Variants in YEATS4 observed in about 807,000 individuals in gnomAD.
YEATS4 encodes the protein YEATS domain-containing protein 4.
In YEATS4, 17 loss-of-function variants were observed where a neutral mutation model predicts 30.1. The observed-to-expected ratio is 0.56, with a 90% CI of 0.39 to 0.85. The LOEUF (loss-of-function observed/expected upper bound fraction) is 0.85, where lower values mean the gene tolerates loss of function less well. YEATS4 is among the 40% of genes least tolerant of loss of function. The pLI is 0.00. For synonymous variants in YEATS4, 85 were observed against 87.5 expected, an observed-to-expected ratio of 0.97 and a Z score of 0.16; for missense variants, 142 against 268.3, an observed-to-expected ratio of 0.53 and a Z score of 3.29.
chr12:69,374,970 C>A (rs4435046), intron 6 of YEATS4, among the ~76,000 whole-genome samples: 59,339 of 148,374 alleles, frequency 0.4, 12,058 homozygotes, highest in Non-Finnish European at 0.46. Context: ...CAGGGGCGCC[C>A]CCCACCTCCC....
chr12:69,394,086 G>T (rs1868334491), downstream of YEATS4, among the ~76,000 whole-genome samples: 1 of 152,142 alleles, frequency 6.6e-6, no homozygotes, highest in African/African-American at 2.4e-5. Context: ...AACAAAGGGG[G>T]CAGTTAGGAA....
At chr12:69,418,309 G>A in the YEATS4 span, among the ~76,000 whole-genome samples, 1 of 152,098 alleles carries the variant, frequency 6.6e-6, no homozygotes, top group African/African-American at 2.4e-5. Flanking sequence ...AAAATTAGCG[G>A]GGTAGGATGG....
At chr12:69,395,063 A>G (rs2603080), downstream of YEATS4, among the ~76,000 whole-genome samples, 9,213 of 152,258 alleles carry the variant, frequency 0.061, 417 homozygotes, top group African/African-American at 0.12. Context: ...AATTAGTTCA[A>G]TGTTTTCAGA....
intron 6 of YEATS4, among the ~76,000 whole-genome samples, chr12:69,374,861 G>C (rs1343628342): frequency 6.6e-6 from 1 of 152,020 alleles, no homozygotes; most frequent in Non-Finnish European, 1.5e-5. Context: ...AACCGCCATC[G>C]TCATCATGGC....
the YEATS4 span, among the ~76,000 whole-genome samples, chr12:69,405,334 C>T: frequency 7.2e-4 from 109 of 152,190 alleles, no homozygotes; most frequent in African/African-American, 2.3e-3. Context: ...AAGAGATTAA[C>T]GACAATAACT....
intron 6 of YEATS4, among the ~76,000 whole-genome samples, chr12:69,382,095 G>A (rs149055444): frequency 8.2e-4 from 125 of 152,278 alleles, no homozygotes; most frequent in African/African-American, 2.9e-3. Flanking sequence ...TACCCAGAAG[G>A]CGTCCTTTGA....
chr12:69,397,134 G>A, the YEATS4 span, among the ~76,000 whole-genome samples: 2 of 152,150 alleles, frequency 1.3e-5, no homozygotes, highest in African/African-American at 4.8e-5. Flanking sequence ...AGGATAATAA[G>A]TCCCATTATC....
the YEATS4 span, among the ~76,000 whole-genome samples, chr12:69,417,786 C>T: frequency 6.7e-6 from 1 of 149,196 alleles, no homozygotes; most frequent in Non-Finnish European, 1.5e-5. Flanking sequence ...ATCAGCAGCA[C>T]TTCGTTTAAC....
At chr12:69,426,035 A>T in the YEATS4 span, among the ~76,000 whole-genome samples, 1 of 152,164 alleles carries the variant, frequency 6.6e-6, no homozygotes, top group African/African-American at 2.4e-5. Flanking sequence ...AGGAGTTCAA[A>T]ATCAGTCTGA....
chr12:69,376,146 C>T (rs931286062), intron 6 of YEATS4, among the ~76,000 whole-genome samples: 3 of 152,164 alleles, frequency 2.0e-5, no homozygotes, highest in African/African-American at 7.2e-5. Context: ...GCAGATGGAT[C>T]ACCTGAGGTC....
the YEATS4 span, among the ~76,000 whole-genome samples, chr12:69,400,462 T>C: frequency 6.6e-6 from 1 of 151,808 alleles, no homozygotes; most frequent in Non-Finnish European, 1.5e-5. Context: ...CTCCTACAAA[T>C]TGATGAAAAA....
chr12:69,363,820 T>C (rs1875326664), intron 2 of YEATS4, among the ~76,000 whole-genome samples: 1 of 151,960 alleles, frequency 6.6e-6, no homozygotes, highest in African/African-American at 2.4e-5. Flanking sequence ...TATCAACTGA[T>C]GAATGGATAA....
chr12:69,420,731 T>C, the YEATS4 span, among the ~76,000 whole-genome samples: 3 of 147,456 alleles, frequency 2.0e-5, no homozygotes, highest in South Asian at 6.8e-4. Context: ...AATGTCATGT[T>C]ATGTGAACTT....
chr12:69,397,512 G>C, the YEATS4 span, among the ~76,000 whole-genome samples: 1 of 152,040 alleles, frequency 6.6e-6, no homozygotes, highest in Non-Finnish European at 1.5e-5. Context: ...GAGATCTGAT[G>C]GTTTTATAAA....
At chr12:69,370,450 C>T (rs1875594719) in intron 4 of YEATS4, among the ~76,000 whole-genome samples, 1 of 152,090 alleles carries the variant, frequency 6.6e-6, no homozygotes, top group Non-Finnish European at 1.5e-5. Context: ...TTTTTAGTTT[C>T]CTCTCTAGAG....
the YEATS4 span, among the ~76,000 whole-genome samples, chr12:69,399,363 T>C: frequency 6.6e-6 from 1 of 152,162 alleles, no homozygotes; most frequent in East Asian, 1.9e-4. Context: ...TACACATTTC[T>C]CCAAAGAAGA....
chr12:69,422,965 T>TAAATGGAG, the YEATS4 span: 3 of 152,262 alleles, frequency 2.0e-5, no homozygotes, highest in Non-Finnish European at 4.4e-5. Context: ...CTAATGGTGC[T>TAAATGGAG]GTTCCATGAC....
chr12:69,381,862 C>T (rs940843489), intron 6 of YEATS4, among the ~76,000 whole-genome samples: 2 of 152,044 alleles, frequency 1.3e-5, no homozygotes, highest in Admixed American at 6.6e-5. Flanking sequence ...TTGACTGGTC[C>T]GGCACACTAA....
intron 4 of YEATS4, among the ~76,000 whole-genome samples, chr12:69,368,360 T>A (rs1875519165): frequency 6.6e-6 from 1 of 152,230 alleles, no homozygotes; most frequent in Admixed American, 6.5e-5. Flanking sequence ...TCTAGGCAAG[T>A]ATAGGCAGTT....
Sources: gnomAD v4.1 joint callset for allele counts (sites outside exome capture counted in the v4.1 genomes callset) on GRCh38, gnomAD v4.1.1 for gene constraint, MANE v1.5 for transcripts, NCBI Gene and HGNC (gene_info 2026-07-23, HGNC 2026-07-21) for gene names.